MORF4L2: variants seen among roughly 807,000 people sequenced by gnomAD.
MORF4L2 encodes mortality factor 4 like 2.
MORF4L2 carries 1 observed loss-of-function variant against 12.0 expected under a neutral mutation model. The ratio of observed to expected loss-of-function variants is 0.08; its 90% CI spans 0.03 to 0.40. The LOEUF (loss-of-function observed/expected upper bound fraction) is 0.40. Among genes scored for constraint, MORF4L2 ranks in the 10% least tolerant of loss-of-function variants. The probability of loss-of-function intolerance (pLI) is 0.98; values close to 1 mark genes in which losing one functional copy is unlikely to be tolerated. For missense variants in MORF4L2, 123 were observed against 214.0 expected, an observed-to-expected ratio of 0.57 and a Z score of 2.65; for synonymous variants, 69 against 81.6, an observed-to-expected ratio of 0.85 and a Z score of 0.83.
chrX:103,687,747 C>A (rs1238303676), upstream of MORF4L2, among the ~76,000 whole-genome samples: 1 of 110,981 alleles, frequency 9.0e-6, no homozygotes, highest in Non-Finnish European at 1.9e-5. Context: ...TATCGTAAAC[C>A]ACAGCCCTCC....
In MORF4L2 at chrX:103,676,396, A is replaced by G; in HGVS notation, c.632T>C (p.Leu211Pro). The G allele has an allele frequency of 8.3e-7, 1 of 1,211,938 alleles. No individual in the cohort carries two copies. The highest frequency in any genetic ancestry group is 1.1e-6 in the Non-Finnish European group (1 of 895,537). Residue 211 changes from leucine to proline, a missense_variant, in exon 4 of 4, where the codon CTC becomes CCC. Transcript: ENST00000441076. ...CATTGGAGCATCAGGGTGAGCCAAG[A>G]GGATTTCAGCATACTGGGGCCTCTC... ...KFERPQYAEI[L>P]LAHPDAPMSQ...
Position 103,676,024 on chromosome X carries a change from C to G in MORF4L2, c.*137G>C. The G allele has an allele frequency of 1.5e-6, 1 of 684,449 alleles. No homozygotes were observed. Among genetic ancestry groups the G allele is most frequent in the Non-Finnish European group, 2.2e-6 (1 of 465,102 alleles). 56.4% of individuals were successfully genotyped at this position (684,449 alleles called of 1,213,427 possible). ...CACTCCTTTTATTTTCTGTTTAAAA[C>G]AGAACGGAAAACAAACTGAAACATA... On this transcript the variant is annotated 3_prime_UTR_variant, in exon 4 of 4. Transcript: ENST00000441076.
At chrX:103,685,525 T>C (rs1466317842) in intron 1 of MORF4L2, 1 of 111,840 alleles carries the variant, frequency 8.9e-6, no homozygotes, top group Non-Finnish European at 1.9e-5. Context: ...AATAGTATTA[T>C]AAACCTACAC....
chrX:103,684,019 A>G (rs2074045375), intron 2 of MORF4L2, among the ~76,000 whole-genome samples: 1 of 112,175 alleles, frequency 8.9e-6, no homozygotes, highest in East Asian at 2.8e-4. Context: ...AGAGAAAAAA[A>G]AGGAAATTAC....
At chrX:103,685,130 T>C (rs2074068481) in intron 2 of MORF4L2, 41 bp downstream of exon 2, 1 of 112,233 alleles carries the variant, frequency 8.9e-6, no homozygotes, top group African/African-American at 3.2e-5. Flanking sequence ...TTATGTGGTA[T>C]TATCCTGTTT....
intron 2 of MORF4L2, among the ~76,000 whole-genome samples, chrX:103,680,145 G>A (rs999621846): frequency 3.6e-5 from 4 of 112,050 alleles, no homozygotes; most frequent in African/African-American, 1.3e-4. Flanking sequence ...AGGAGATCGT[G>A]CCACTGCACT....
upstream of MORF4L2, among the ~76,000 whole-genome samples, chrX:103,687,748 A>T (rs2074149528): frequency 9.0e-6 from 1 of 111,146 alleles, no homozygotes; most frequent in Non-Finnish European, 1.9e-5. Flanking sequence ...ATCGTAAACC[A>T]CAGCCCTCCA....
chrX:103,686,415 A>G (rs1188776564), intron 1 of MORF4L2, among the ~76,000 whole-genome samples: 3 of 111,482 alleles, frequency 2.7e-5, no homozygotes, highest in Non-Finnish European at 3.8e-5. Context: ...GCACTATTAT[A>G]CAGTACACGT....
At chrX:103,678,822 T>C (rs1254785343) in intron 2 of MORF4L2, among the ~76,000 whole-genome samples, 171 bp from the exon 3 acceptor site, 1 of 112,476 alleles carries the variant, frequency 8.9e-6, no homozygotes, top group Non-Finnish European at 1.9e-5. Flanking sequence ...ATTTATGAGT[T>C]GTGAGACCTC....
chrX:103,680,067 T>G (rs2073954389), intron 2 of MORF4L2, among the ~76,000 whole-genome samples: 1 of 110,824 alleles, frequency 9.0e-6, no homozygotes, highest in Non-Finnish European at 1.9e-5. Flanking sequence ...ACACCTATAA[T>G]CCCAGCTACT....
At chrX:103,687,175 G>A (rs2074133408), upstream of MORF4L2, 1 of 105,783 alleles carries the variant, frequency 9.5e-6, no homozygotes, top group Admixed American at 1.0e-4. Context: ...GAGAGGAAGT[G>A]TCTACGTGGC....
Position 103,676,699 on chromosome X carries a change from T to C in MORF4L2, c.329A>G (p.Glu110Gly), listed in dbSNP as rs780583102. The part of the protein sequence containing the change: ...KKRARADPTV[E>G]SEEAFKNRME... ...TCTATTCTTAAACGCCTCCTCACTTTCAACAGTGGGGTCTGCCCGGGCCCT... is the reference window on the plus strand; with the variant it reads ...TCTATTCTTAAACGCCTCCTCACTTCCAACAGTGGGGTCTGCCCGGGCCCT... Residue 110 changes from glutamate (E) to glycine (G), a missense_variant, in exon 4 of 4, where the codon GAA (glutamate) becomes GGA (glycine). Coordinates refer to ENST00000441076, the MANE Select transcript of MORF4L2 (RefSeq NM_012286.3). 8.3e-7 allele frequency: 1 copy of C among 1,208,917 alleles called. No homozygotes were observed. The highest frequency in any genetic ancestry group is 1.1e-6 in the Non-Finnish European group (1 of 894,889).
chrX:103,685,740 A>G (rs1208146718), intron 1 of MORF4L2, among the ~76,000 whole-genome samples: 1 of 110,817 alleles, frequency 9.0e-6, no homozygotes, highest in Non-Finnish European at 1.9e-5. Context: ...CAGCAAAAAA[A>G]TATTATTAAT....
At chrX:103,681,990 C>T (rs1003451958) in intron 2 of MORF4L2, among the ~76,000 whole-genome samples, 1 of 111,164 alleles carries the variant, frequency 9.0e-6, no homozygotes, top group African/African-American at 3.3e-5. Flanking sequence ...CTAGGAGTAT[C>T]CTGAGTGAGC....
intron 1 of MORF4L2, among the ~76,000 whole-genome samples, chrX:103,685,658 A>C (rs1487249773): frequency 1.1e-5 from 1 of 93,890 alleles, no homozygotes. Context: ...TGACTTCTGT[A>C]TTTTATTATA....
upstream of MORF4L2, chrX:103,686,805 T>A (rs1031142959): frequency 1.8e-5 from 2 of 111,893 alleles, no homozygotes; most frequent in Admixed American, 9.5e-5. Flanking sequence ...AGTTTTAGAA[T>A]GTTCCATAAT....
chrX:103,679,860 CAAA>C (rs1157909391), intron 2 of MORF4L2, among the ~76,000 whole-genome samples: 2 of 47,735 alleles, frequency 4.2e-5, no homozygotes, highest in African/African-American at 9.3e-5. Flanking sequence ...CACCTGTGGG[CAAA>C]AAAAAAAAAA....
intron 1 of MORF4L2, among the ~76,000 whole-genome samples, chrX:103,686,295 AGCG>A (rs2074106343): frequency 8.9e-6 from 1 of 111,989 alleles, no homozygotes; most frequent in Non-Finnish European, 1.9e-5. Context: ...CACTACAATT[AGCG>A]AATTTATATA....
Position 103,676,075 on chromosome X carries a change from A to T in MORF4L2, c.*86T>A. 2.1e-6 allele frequency: 2 copies of T among 966,556 alleles called. No homozygotes were observed. The highest frequency in any genetic ancestry group is 3.2e-5 in the Admixed American group (1 of 31,501). 79.7% of individuals were successfully genotyped at this position (966,556 alleles called of 1,213,427 possible). A position where few individuals can be genotyped will look rare whatever the true frequency, so the allele number is the denominator to read the frequency against. On this transcript the variant is annotated 3_prime_UTR_variant, in exon 4 of 4. Coordinates refer to ENST00000441076, the MANE Select transcript of MORF4L2 (RefSeq NM_012286.3). ...AGCCCTGTTATACATTAACGATTTTAAAGAACATCAATTTTACAAGAAAAA... is the reference window on the plus strand; with the variant it reads ...AGCCCTGTTATACATTAACGATTTTTAAGAACATCAATTTTACAAGAAAAA...
Sources: gnomAD v4.1 joint callset for allele counts (sites outside exome capture counted in the v4.1 genomes callset) on GRCh38, gnomAD v4.1.1 for gene constraint, MANE v1.5 for transcripts, NCBI Gene and HGNC (gene_info 2026-07-23, HGNC 2026-07-21) for gene names.